SHROOM3: variants seen among roughly 807,000 people sequenced by gnomAD.
The protein encoded by SHROOM3 is shroom family member 3, also known as protein Shroom3.
SHROOM3 carries 47 observed loss-of-function variants against 138.6 expected under a neutral mutation model. The observed-to-expected ratio is 0.34, with a 90% CI of 0.27 to 0.43. SHROOM3 has a LOEUF of 0.43. SHROOM3 is among the 20% of genes least tolerant of loss of function. The pLI is 1.00. For synonymous variants in SHROOM3, 1,062 were observed against 1,063.3 expected (o/e 1.00, Z 0.02); for missense variants, 2,491 against 2,596.5 (o/e 0.96, Z 0.88).
At chr4:76,483,849 G>GTC (rs1433850980) in intron 1 of SHROOM3, among the ~76,000 whole-genome samples, 2 of 152,152 alleles carry the variant, frequency 1.3e-5, no homozygotes, top group African/African-American at 4.8e-5. Flanking sequence ...GCAGGGGCAT[G>GTC]GATGAAGCTA....
At chr4:76,547,061 A>G (rs1315807266) in intron 1 of SHROOM3, among the ~76,000 whole-genome samples, 1 of 152,166 alleles carries the variant, frequency 6.6e-6, no homozygotes, top group African/African-American at 2.4e-5. Context: ...TCTTTTTCTC[A>G]TGTGTAAGCT....
intron 10 of SHROOM3, 42 bp downstream of exon 10, chr4:76,770,940 A>G: frequency 6.2e-7 from 1 of 1,612,884 alleles, no homozygotes; most frequent in South Asian, 1.1e-5. Context: ...TCTCCCTCAA[A>G]GCCCACATAC....
chr4:76,517,126 G>C (rs1732459166), intron 1 of SHROOM3, among the ~76,000 whole-genome samples: 1 of 152,196 alleles, frequency 6.6e-6, no homozygotes, highest in African/African-American at 2.4e-5. Flanking sequence ...TCTTCTCAGT[G>C]ACAACTGCTT....
intron 1 of SHROOM3, among the ~76,000 whole-genome samples, chr4:76,443,905 T>C (rs1730749651): frequency 6.6e-6 from 1 of 152,168 alleles, no homozygotes. Flanking sequence ...TTTTCAGCAG[T>C]ATTTTTTTCT....
intron 9 of SHROOM3, among the ~76,000 whole-genome samples, chr4:76,766,521 G>T (rs1239512690): frequency 6.6e-6 from 1 of 152,222 alleles, no homozygotes; most frequent in African/African-American, 2.4e-5. Context: ...AACAGTTTAT[G>T]CCAGATGAGA....
rs967591659 is a variant in SHROOM3, at chr4:76,596,342, G to A, written c.323+40579G>A. Among the ~76,000 whole-genome samples, 3 of 152,136 alleles carry A rather than the reference G, an allele frequency of 2.0e-5. No individual in the cohort carries two copies. In the East Asian group the frequency reaches 5.8e-4, roughly 29 times the overall value. ...CAAGAGGATGGCTGGAGCCTGGGAG[G>A]TAGAGGCTACAGTGAGCTGTGATCA... On this transcript the variant is annotated intron_variant, in intron 2 of 10. Coordinates refer to ENST00000296043, the MANE Select transcript of SHROOM3 (RefSeq NM_020859.4).
intron 3 of SHROOM3, among the ~76,000 whole-genome samples, chr4:76,730,182 GC>G (rs1720832030): frequency 6.6e-6 from 1 of 152,194 alleles, no homozygotes; most frequent in South Asian, 2.1e-4. Context: ...TGTTGTAAGG[GC>G]AGGATGTTTA....
chr4:76,436,625 G>A (rs10027712), intron 1 of SHROOM3, among the ~76,000 whole-genome samples: 26,194 of 152,082 alleles, frequency 0.17, 2,341 homozygotes, highest in South Asian at 0.23. Flanking sequence ...AATATTTTAA[G>A]TTTGCTTATA....
intron 2 of SHROOM3, among the ~76,000 whole-genome samples, chr4:76,661,273 C>G (rs919806367): frequency 3.3e-5 from 5 of 151,614 alleles, no homozygotes; most frequent in Non-Finnish European, 5.9e-5. Context: ...CTCTGTCGCC[C>G]AGGCTGGAGT....
At chr4:76,756,411 C>CTCTG (rs1721814309) in intron 7 of SHROOM3, 38 bp from the exon 8 acceptor site, 1 of 1,530,586 alleles carries the variant, frequency 6.5e-7, no homozygotes, top group African/African-American at 1.4e-5. Flanking sequence ...CTCTTTCTCT[C>CTCTG]TCTCTCTTTT....
intron 10 of SHROOM3, among the ~76,000 whole-genome samples, chr4:76,777,606 G>A (rs1722609001): frequency 6.6e-6 from 1 of 152,028 alleles, no homozygotes; most frequent in South Asian, 2.1e-4. Context: ...TTGTCTGACT[G>A]CTCTGGCTAG....
intron 1 of SHROOM3, among the ~76,000 whole-genome samples, chr4:76,521,567 A>G (rs1732566279): frequency 6.6e-6 from 1 of 152,040 alleles, no homozygotes; most frequent in Admixed American, 6.5e-5. Flanking sequence ...AGCCAATACC[A>G]CTCTACTTGC....
intron 1 of SHROOM3, among the ~76,000 whole-genome samples, chr4:76,439,325 C>T (rs1579153768): frequency 6.6e-6 from 1 of 152,178 alleles, no homozygotes; most frequent in African/African-American, 2.4e-5. Context: ...TGGATAATCT[C>T]TCTATTTTAA....
intron 9 of SHROOM3, among the ~76,000 whole-genome samples, chr4:76,766,978 A>T (rs1396848929): frequency 6.6e-6 from 1 of 152,088 alleles, no homozygotes; most frequent in Non-Finnish European, 1.5e-5. Flanking sequence ...ATACATTTTC[A>T]TCTCATTCCG....
rs534923876 is a variant in SHROOM3, at chr4:76,508,751, A to G, written c.169-46858A>G. On this transcript the variant is annotated intron_variant, in intron 1 of 10. Coordinates refer to ENST00000296043, the MANE Select transcript of SHROOM3 (RefSeq NM_020859.4). The stretch of plus-strand genomic sequence containing the variant: ...AACAATGTTTCATGGTTTTCAGTGT[A>G]TATGTGTCATGGTACATTTTTGCTG... Among the ~76,000 whole-genome samples, 4 of 152,304 alleles carry G rather than the reference A, an allele frequency of 2.6e-5. No individual in the cohort carries two copies. The East Asian group carries it at 7.7e-4, about 29-fold the overall frequency.
Position 76,612,881 on chromosome 4 carries a change from A to G in SHROOM3, c.323+57118A>G, listed in dbSNP as rs542288664. On this transcript the variant is annotated intron_variant, in intron 2 of 10. Transcript: ENST00000296043. ...CTTGAAGCCAGGAGTTTGAGTTTGC[A>G]GTGAGCTATATGATTGCACCACTGC... Among the ~76,000 whole-genome samples the G allele has an allele frequency of 2.6e-5, 4 of 152,286 alleles. No individual in the cohort carries two copies. The South Asian group carries it at 8.3e-4, about 32-fold the overall frequency.
chr4:76,606,932 T>A (rs1734635365), intron 2 of SHROOM3, among the ~76,000 whole-genome samples: 1 of 152,122 alleles, frequency 6.6e-6, no homozygotes, highest in Admixed American at 6.6e-5. Context: ...TCCATATTTT[T>A]TACCAAATCA....
chr4:76,583,578 C>T (rs1217234430), intron 2 of SHROOM3, among the ~76,000 whole-genome samples: 1 of 152,158 alleles, frequency 6.6e-6, no homozygotes, highest in Non-Finnish European at 1.5e-5. Flanking sequence ...AATGCAAAGC[C>T]TTTATCTCAG....
intron 2 of SHROOM3, among the ~76,000 whole-genome samples, chr4:76,690,347 AG>A (rs1424848799): frequency 5.3e-5 from 8 of 152,306 alleles, no homozygotes; most frequent in Admixed American, 4.6e-4. Context: ...CTCTTCCTCT[AG>A]GATGTATTTT....
Sources: gnomAD v4.1 joint callset for allele counts (sites outside exome capture counted in the v4.1 genomes callset) on GRCh38, gnomAD v4.1.1 for gene constraint, MANE v1.5 for transcripts, NCBI Gene and HGNC (gene_info 2026-07-23, HGNC 2026-07-21) for gene names.